NMBR: variants seen among roughly 807,000 people sequenced by gnomAD.
NMBR encodes neuromedin-B receptor.
A neutral mutation model predicts 20.5 loss-of-function variants in NMBR; 16 were observed. The ratio of observed to expected loss-of-function variants is 0.78; its 90% CI spans 0.53 to 1.19. The LOEUF (loss-of-function observed/expected upper bound fraction) is 1.19. NMBR is among the 50% of genes most tolerant of loss of function. NMBR has a pLI of 0.00. For missense variants in NMBR, 582 were observed against 499.1 expected, an observed-to-expected ratio of 1.17 and a Z score of -1.58; for synonymous variants, 212 against 196.6, an observed-to-expected ratio of 1.08 and a Z score of -0.65.
At chr6:142,140,139 T>G (rs1000742077) in intron 1 of NMBR, among the ~76,000 whole-genome samples, 1 of 151,858 alleles carries the variant, frequency 6.6e-6, no homozygotes, top group African/African-American at 2.4e-5. Flanking sequence ...ACATAAGAAC[T>G]TATTAAACAA....
intron 2 of NMBR, among the ~76,000 whole-genome samples, chr6:142,081,621 A>G (rs982052383): frequency 6.6e-6 from 1 of 152,238 alleles, no homozygotes; most frequent in African/African-American, 2.4e-5. Context: ...ATAGCTTACA[A>G]TTGTCGAAGA....
At chr6:142,098,321 G>T (rs1777498529) in intron 1 of NMBR, among the ~76,000 whole-genome samples, 1 of 152,026 alleles carries the variant, frequency 6.6e-6, no homozygotes, top group Non-Finnish European at 1.5e-5. Context: ...TGTACTGGAA[G>T]TTCTCATCAA....
intron 1 of NMBR, among the ~76,000 whole-genome samples, chr6:142,144,187 G>C (rs150973967): frequency 5.3e-4 from 80 of 152,182 alleles, no homozygotes; most frequent in African/African-American, 1.7e-3. Flanking sequence ...TTTCTACTTG[G>C]GGGGGATGCT....
intron 1 of NMBR, among the ~76,000 whole-genome samples, chr6:142,103,109 A>G (rs886980537): frequency 2.0e-5 from 3 of 152,156 alleles, no homozygotes; most frequent in African/African-American, 7.2e-5. Flanking sequence ...TCAAGGTGCC[A>G]AAGTTTTGCT....
intron 1 of NMBR, among the ~76,000 whole-genome samples, chr6:142,111,439 A>T (rs1777762008): frequency 6.6e-6 from 1 of 152,122 alleles, no homozygotes; most frequent in Non-Finnish European, 1.5e-5. Flanking sequence ...TAGTGAGAAA[A>T]GTTGCTTTGG....
intron 1 of NMBR, among the ~76,000 whole-genome samples, chr6:142,090,403 A>G (rs1183561737): frequency 6.6e-6 from 1 of 152,122 alleles, no homozygotes; most frequent in East Asian, 1.9e-4. Flanking sequence ...CTGTCACATC[A>G]TAATTGAATT....
chr6:142,127,414 G>T (rs1426137634), intron 1 of NMBR, among the ~76,000 whole-genome samples: 2 of 152,072 alleles, frequency 1.3e-5, no homozygotes, highest in South Asian at 4.1e-4. Flanking sequence ...TTTAAATCAG[G>T]AAGTATGATG....
intron 1 of NMBR, among the ~76,000 whole-genome samples, chr6:142,104,263 T>G (rs891280310): frequency 4.6e-5 from 7 of 152,246 alleles, no homozygotes; most frequent in African/African-American, 1.7e-4. Flanking sequence ...TTATGGTTGA[T>G]AGCACATAGC....
intron 1 of NMBR, among the ~76,000 whole-genome samples, chr6:142,101,314 A>G (rs1314944157): frequency 1.3e-5 from 2 of 152,302 alleles, no homozygotes; most frequent in East Asian, 3.9e-4. Context: ...AAAATATATA[A>G]GGAAACAGCT....
chr6:142,117,441 T>C (rs1186886437), intron 1 of NMBR, among the ~76,000 whole-genome samples: 1 of 151,916 alleles, frequency 6.6e-6, no homozygotes. Flanking sequence ...AATTTTCTTA[T>C]AAAAGGGAGC....
intron 2 of NMBR, among the ~76,000 whole-genome samples, chr6:142,080,974 G>T (rs1019351848): frequency 1.3e-5 from 2 of 152,164 alleles, no homozygotes; most frequent in African/African-American, 4.8e-5. Flanking sequence ...TACTTGAGCT[G>T]CTATAATAAA....
At chr6:142,092,144 T>C (rs1424410842) in intron 1 of NMBR, among the ~76,000 whole-genome samples, 1 of 151,910 alleles carries the variant, frequency 6.6e-6, no homozygotes, top group Non-Finnish European at 1.5e-5. Flanking sequence ...GAAATGGAAA[T>C]GAAAAGCATA....
intron 1 of NMBR, chr6:142,134,041 T>G: frequency 1.5e-6 from 1 of 677,074 alleles, no homozygotes; most frequent in East Asian, 2.7e-5. Context: ...AAGTAAGTTT[T>G]TCTGTGTGCA....
intron 1 of NMBR, among the ~76,000 whole-genome samples, chr6:142,130,301 A>G (rs1411895381): frequency 2.0e-5 from 3 of 152,052 alleles, no homozygotes; most frequent in Admixed American, 1.3e-4. Flanking sequence ...GACTGGCTAC[A>G]TGTGATTTTT....
intron 1 of NMBR, among the ~76,000 whole-genome samples, chr6:142,136,729 C>T (rs1778264879): frequency 6.6e-6 from 1 of 152,296 alleles, no homozygotes; most frequent in Admixed American, 6.5e-5. Context: ...GCCAGTTTTC[C>T]CAGCACCATT....
intron 1 of NMBR, among the ~76,000 whole-genome samples, chr6:142,093,948 G>C (rs7761875): frequency 0.64 from 95,130 of 148,624 alleles, 32,434 homozygotes; most frequent in East Asian, 0.87. Context: ...GCATAAATGT[G>C]TTCTTTTGAG....
intron 1 of NMBR, chr6:142,133,113 G>A: frequency 1.6e-6 from 1 of 636,992 alleles, no homozygotes; most frequent in Non-Finnish European, 2.8e-6. Context: ...GGCAATGTGG[G>A]TCAAGAATTA....
At chr6:142,139,269 C>T (rs183793408) in intron 1 of NMBR, among the ~76,000 whole-genome samples, 32 of 152,270 alleles carry the variant, frequency 2.1e-4, no homozygotes, top group Non-Finnish European at 3.1e-4. Flanking sequence ...TAGATAAACG[C>T]TTGGATTTAT....
chr6:142,111,164 T>G (rs1777756369), intron 1 of NMBR, among the ~76,000 whole-genome samples: 1 of 151,306 alleles, frequency 6.6e-6, no homozygotes, highest in African/African-American at 2.4e-5. Context: ...TGCTTGAACC[T>G]GGGAGGCAGA....
Sources: allele counts gnomAD v4.1 joint callset (sites outside exome capture counted in the v4.1 genomes callset), GRCh38; gene constraint gnomAD v4.1.1; transcripts MANE v1.5; gene names NCBI Gene and HGNC (gene_info 2026-07-23, HGNC 2026-07-21).